Variants in SPTAN1 observed in about 807,000 individuals in gnomAD.
SPTAN1 encodes the protein spectrin alpha, non-erythrocytic 1, also known as spectrin alpha chain, non-erythrocytic 1.
A neutral mutation model predicts 331.3 loss-of-function variants in SPTAN1; 61 were observed. The observed-to-expected ratio is 0.18, with a 90% CI of 0.15 to 0.23. The LOEUF is 0.23. Ranked by LOEUF, SPTAN1 falls within the 10% of genes least tolerant of loss-of-function variation. The pLI is 1.00. For missense variants in SPTAN1, 2,043 were observed against 3,147.9 expected (o/e 0.65, Z 8.40); for synonymous variants, 1,153 against 1,173.9 (o/e 0.98, Z 0.36).
intron 45 of SPTAN1, chr9:128,622,050 A>G (rs1857933582): frequency 6.6e-6 from 1 of 152,670 alleles, no homozygotes; most frequent in Non-Finnish European, 1.5e-5. Flanking sequence ...CCTTCAGACT[A>G]GGGTTTGATC....
rs1857392790 is a variant in SPTAN1 at position 128,618,058 on chromosome 9, G to A, written c.5550G>A (p.Leu1850=). 6.2e-7 allele frequency: 1 copy of A among 1,614,064 alleles called. No homozygotes were observed. Residue 1850 remains leucine (L), a synonymous_variant, in exon 43 of 57, where the codon CTG becomes CTA. Coordinates refer to ENST00000372739, the MANE Select transcript of SPTAN1 (RefSeq NM_001130438.3). ...GGAAAGAGGAGATCCAGCAGCGGCT[G>A]GCGCAGTTTGTGGAGCACTGGAAAG... The part of the protein sequence containing the change: ...TIGKEEIQQR[L]AQFVEHWKEL...
chr9:128,584,458 C>G lies in SPTAN1; in HGVS notation c.2370C>G (p.Phe790Leu), dbSNP rs1296888782. The G allele has an allele frequency of 6.2e-7, 1 of 1,613,956 alleles. No individual in the cohort carries two copies. Among genetic ancestry groups the G allele is most frequent in the Non-Finnish European group, 8.5e-7 (1 of 1,179,986 alleles). ...LADSLRLQQL[F>L]RDVEDEETWI... ...ATTCTCTGCGGTTGCAGCAGCTCTTCCGGGATGTTGAGGATGAGGAGACGT... is the reference window on the plus strand; with the variant it reads ...ATTCTCTGCGGTTGCAGCAGCTCTTGCGGGATGTTGAGGATGAGGAGACGT... The change falls in exon 17 of 57, where the codon TTC becomes TTG. Residue 790 changes from phenylalanine to leucine, a missense_variant. Phe to Leu is a conservative substitution (Grantham distance 22). Around this residue, in one of 12 missense-constraint regions of SPTAN1, gnomAD observed 1,038 missense variants for 1,531.5 expected, o/e 0.68. Coordinates refer to ENST00000372739, the MANE Select transcript of SPTAN1 (RefSeq NM_001130438.3).
intron 5 of SPTAN1, among the ~76,000 whole-genome samples, chr9:128,575,556 C>G (rs1172543475): frequency 6.6e-6 from 1 of 152,146 alleles, no homozygotes; most frequent in African/African-American, 2.4e-5. Context: ...GCAGGAAGGG[C>G]AGAGTTCATT....
intron 56 of SPTAN1, 41 bp from the exon 57 acceptor site, chr9:128,633,168 G>A (rs757700590): frequency 1.2e-6 from 2 of 1,613,442 alleles, no homozygotes; most frequent in Non-Finnish European, 1.7e-6. Context: ...TGAAGTGGGT[G>A]CAGCTGGCTC....
At chr9:128,561,343 G>T (rs1210586777) in intron 1 of SPTAN1, among the ~76,000 whole-genome samples, 1 of 140,094 alleles carries the variant, frequency 7.1e-6, no homozygotes, top group Non-Finnish European at 1.5e-5. Context: ...CTGCAATCCA[G>T]CCTGGCGACA....
At position 128,625,814 on chromosome 9, in the gene SPTAN1, G is replaced by A; in HGVS notation, c.6115G>A (p.Ala2039Thr). ...GLQAFQQEGI[A>T]NITALKDQLL... ...GCAGGCCTTCCAGCAGGAAGGCATT[G>A]CCAACATCACTGCCCTCAAAGATCA... Residue 2039 changes from alanine to threonine, a missense_variant, in exon 48 of 57, where the codon GCC becomes ACC. This residue lies in a region of SPTAN1 where 256 missense variants were observed against 376.4 expected (regional missense o/e 0.68). Coordinates refer to ENST00000372739, the MANE Select transcript of SPTAN1 (RefSeq NM_001130438.3). The surrounding 1 kb of genome is among the most constrained non-coding windows in gnomAD (Gnocchi z 4.1). The A allele has an allele frequency of 6.2e-7, 1 of 1,614,186 alleles. No individual in the cohort carries two copies. Among genetic ancestry groups the A allele is most frequent in the South Asian group, 1.1e-5 (1 of 91,080 alleles).
In SPTAN1 at chr9:128,582,783, T is replaced by C. The variant is rs1852107496; in HGVS notation, c.1740T>C (p.Arg580=). Residue 580 remains arginine, a synonymous_variant, in exon 14 of 57, where the codon CGT becomes CGC. Transcript: ENST00000372739. ...CTTTCCATCTGCAGCAGTTTTTCCG[T>C]GATTCTGATGAGCTCAAGAGTTGGG... is the stretch of plus-strand genomic sequence containing the variant. The part of the protein sequence containing the change: ...ADSFHLQQFF[R]DSDELKSWVN... 1 of 1,614,002 alleles carries C rather than the reference T, an allele frequency of 6.2e-7. No individual in the cohort carries two copies. The highest frequency in any genetic ancestry group is 8.5e-7 in the Non-Finnish European group (1 of 1,180,020).
chr9:128,626,955 C>T, intron 49 of SPTAN1: 3 of 614,844 alleles, frequency 4.9e-6, no homozygotes, highest in South Asian at 1.7e-5. Flanking sequence ...ACTGGGACTA[C>T]AAGCACGTGC....
chr9:128,568,702 G>C, intron 2 of SPTAN1, 70 bp from the exon 3 acceptor site: 1 of 1,604,536 alleles, frequency 6.2e-7, no homozygotes, highest in Non-Finnish European at 8.5e-7. Context: ...GAGGAACACG[G>C]GGAACAGCGG....
intron 44 of SPTAN1, among the ~76,000 whole-genome samples, chr9:128,619,825 G>A (rs149442564): frequency 6.6e-6 from 1 of 152,338 alleles, no homozygotes; most frequent in African/African-American, 2.4e-5. Flanking sequence ...TGTAGTGGTT[G>A]AAAGCAGCAC....
In SPTAN1 at chr9:128,568,896, G is replaced by T. The variant is rs942861981; in HGVS notation, c.362G>T (p.Arg121Leu). 50 of 1,613,838 alleles carry T rather than the reference G, an allele frequency of 3.1e-5. No individual in the cohort carries two copies. The highest frequency in any genetic ancestry group is 4.2e-5 in the Non-Finnish European group (49 of 1,179,918). ...SEGHFASETI[R>L]TRLMELHRQW... is the part of the protein sequence containing the mutation. ...GGGCATTTTGCATCTGAAACCATAC[G>T]GGTGAGTATGAGTAGCTCGTGGAGT... The change falls in exon 3 of 57, where the codon CGG becomes CTG. Residue 121 changes from arginine to leucine, a missense_variant and splice_region_variant. By Grantham distance (102) the Arg-to-Leu change is moderately radical. Around this residue, in one of 12 missense-constraint regions of SPTAN1, gnomAD observed 1,038 missense variants for 1,531.5 expected, o/e 0.68. Transcript: ENST00000372739.
In SPTAN1 at chr9:128,626,346, G is replaced by A. The variant is rs368903432; in HGVS notation, c.6280-45G>A. The A allele has an allele frequency of 1.9e-5, 31 of 1,608,420 alleles. No homozygotes were observed. The African/African-American group carries it at 2.1e-4, about 11-fold the overall frequency. ...CCCACCTCCTGCACTGCGTCGGCAC[G>A]TCCAGCCCTGGCGACTCCGCCAACT... On this transcript the variant is annotated intron_variant, in intron 48 of 56. Transcript: ENST00000372739.
Position 128,632,811 on chromosome 9 carries a change from T to C in SPTAN1, c.7164T>C (p.Asp2388=), listed in dbSNP as rs1387266304. The C allele has an allele frequency of 1.2e-6, 2 of 1,614,098 alleles. No individual in the cohort carries two copies. Among genetic ancestry groups the C allele is most frequent in the African/African-American group, 1.3e-5 (1 of 75,056 alleles). The change falls in exon 56 of 57, where the codon GAT becomes GAC. Residue 2388 remains aspartate (D), a synonymous_variant. Coordinates refer to ENST00000372739, the MANE Select transcript of SPTAN1 (RefSeq NM_001130438.3). ...CTCTTGCTTCCCCCGCTCCTAGAGA[T>C]GGCCATGTCTCCTTGCAAGAATACA... is the stretch of plus-strand genomic sequence containing the variant. The part of the protein sequence containing the change: ...AILDTVDPNR[D]GHVSLQEYMA...
At chr9:128,633,042 C>T in intron 56 of SPTAN1, 87 bp downstream of exon 56, 1 of 1,596,078 alleles carries the variant, frequency 6.3e-7, no homozygotes, top group Admixed American at 1.7e-5. Flanking sequence ...GGTAACAGGC[C>T]CTGCGCTGGG....
intron 2 of SPTAN1, 105 bp downstream of exon 2, chr9:128,567,082 A>G: frequency 6.7e-7 from 1 of 1,502,724 alleles, no homozygotes; most frequent in East Asian, 2.3e-5. Flanking sequence ...GAGAGATTGG[A>G]CAAGAAGAAT....
chr9:128,588,671 G>C, intron 20 of SPTAN1, 138 bp from the exon 21 acceptor site: 1 of 1,251,078 alleles, frequency 8.0e-7, no homozygotes, highest in Non-Finnish European at 1.1e-6. Context: ...AGATTTTATT[G>C]GTAGCTTCAG....
At chr9:128,626,036 C>G in intron 48 of SPTAN1, 58 bp downstream of exon 48, 1 of 1,595,202 alleles carries the variant, frequency 6.3e-7, no homozygotes, top group Non-Finnish European at 8.6e-7. Flanking sequence ...GGACGCCCAC[C>G]TTCTGTCTGC....
chr9:128,590,897 A>C (rs1364199932), intron 21 of SPTAN1, among the ~76,000 whole-genome samples: 4 of 152,070 alleles, frequency 2.6e-5, no homozygotes. Context: ...GGCACATGTG[A>C]CTGGTGGCTA....
chr9:128,601,080 T>G (rs922063674), intron 27 of SPTAN1, among the ~76,000 whole-genome samples: 19 of 145,160 alleles, frequency 1.3e-4, no homozygotes, highest in African/African-American at 4.6e-4. Context: ...GCTTCCCAGA[T>G]TCAAGCGATC....
Sources: allele counts gnomAD v4.1 joint callset (sites outside exome capture counted in the v4.1 genomes callset), GRCh38; gene constraint gnomAD v4.1.1; regional missense constraint gnomAD v4.1.1; non-coding constraint Gnocchi (gnomAD v3.1); transcripts MANE v1.5; gene names NCBI Gene and HGNC (gene_info 2026-07-23, HGNC 2026-07-21).